The following CDH18 variants were observed in gnomAD, a reference collection of about 807,000 sequenced individuals.
CDH18 encodes cadherin-18.
CDH18 carries 31 observed loss-of-function variants against 67.9 expected under a neutral mutation model. That is an observed-to-expected ratio of 0.46 (90% CI 0.34 to 0.62). The LOEUF (loss-of-function observed/expected upper bound fraction) is 0.62. CDH18 is among the 20% of genes least tolerant of loss of function. The pLI, the probability that CDH18 is intolerant of heterozygous loss-of-function variation, is 0.01. For synonymous variants in CDH18, 362 were observed against 347.2 expected (o/e 1.04, Z -0.48); for missense variants, 890 against 975.5 (o/e 0.91, Z 1.17).
intron 1 of CDH18, among the ~76,000 whole-genome samples, chr5:20,538,903 T>TTTG (rs1756883169): frequency 7.7e-6 from 1 of 129,162 alleles, no homozygotes; most frequent in Admixed American, 8.0e-5. Flanking sequence ...CAACTGTTTT[T>TTTG]TTTTTGTTTT....
intron 5 of CDH18, among the ~76,000 whole-genome samples, chr5:19,690,405 A>C (rs185020769): frequency 6.6e-6 from 1 of 151,688 alleles, no homozygotes; most frequent in East Asian, 1.9e-4. Flanking sequence ...AAAATCAAGA[A>C]CTAAAAACAC....
intron 1 of CDH18, among the ~76,000 whole-genome samples, chr5:20,289,146 A>C (rs1255397899): frequency 6.6e-6 from 1 of 151,878 alleles, no homozygotes; most frequent in East Asian, 1.9e-4. Flanking sequence ...TCTTTATTCC[A>C]CACTAAAGCC....
intron 1 of CDH18, among the ~76,000 whole-genome samples, chr5:20,545,519 C>T (rs976523895): frequency 2.0e-5 from 3 of 152,214 alleles, no homozygotes; most frequent in Non-Finnish European, 4.4e-5. Context: ...TGCACACCTA[C>T]AAGCCCAACA....
intron 2 of CDH18, among the ~76,000 whole-genome samples, chr5:20,016,509 T>C (rs1164135519): frequency 6.6e-6 from 1 of 152,156 alleles, no homozygotes; most frequent in Non-Finnish European, 1.5e-5. Context: ...AAGACAGTGA[T>C]AGAAGCATAA....
intron 2 of CDH18, among the ~76,000 whole-genome samples, chr5:19,865,780 A>G: frequency 6.6e-6 from 1 of 152,142 alleles, no homozygotes; most frequent in East Asian, 1.9e-4. Context: ...TTTATGTAAT[A>G]CTGCCATTTA....
At chr5:20,559,125 A>C (rs1200100181) in intron 1 of CDH18, among the ~76,000 whole-genome samples, 1 of 151,440 alleles carries the variant, frequency 6.6e-6, no homozygotes, top group South Asian at 2.1e-4. Flanking sequence ...GTATTTTAGC[A>C]CAAAAATATT....
chr5:20,326,059 T>C (rs942335138), intron 1 of CDH18, among the ~76,000 whole-genome samples: 42 of 152,328 alleles, frequency 2.8e-4, no homozygotes, highest in African/African-American at 9.6e-4. Context: ...CCTCTTCACA[T>C]TTTACTCTAG....
chr5:19,655,210 C>G (rs1756172068), intron 5 of CDH18, among the ~76,000 whole-genome samples: 1 of 151,998 alleles, frequency 6.6e-6, no homozygotes, highest in African/African-American at 2.4e-5. Flanking sequence ...ATATGCATAC[C>G]ACATCCTGCA....
chr5:19,970,498 T>C (rs1440904999), intron 2 of CDH18, among the ~76,000 whole-genome samples: 3 of 151,444 alleles, frequency 2.0e-5, no homozygotes, highest in African/African-American at 4.8e-5. Flanking sequence ...TTTTAAAATA[T>C]AGTTAGGTAA....
chr5:19,693,492 A>T (rs1448720424), intron 5 of CDH18, among the ~76,000 whole-genome samples: 1 of 152,322 alleles, frequency 6.6e-6, no homozygotes, highest in East Asian at 1.9e-4. Context: ...CACTCTTCAT[A>T]TATCCATTCT....
chr5:19,610,156 T>C (rs539840382), intron 6 of CDH18, among the ~76,000 whole-genome samples: 1 of 152,148 alleles, frequency 6.6e-6, no homozygotes, highest in East Asian at 1.9e-4. Context: ...TAAGAACACC[T>C]TGAAATGCAG....
chr5:19,984,283 A>G (rs1415713209), intron 1 of CDH18, among the ~76,000 whole-genome samples: 1 of 152,116 alleles, frequency 6.6e-6, no homozygotes, highest in African/African-American at 2.4e-5. Context: ...TTTAAAATAT[A>G]CATCAAGCAT....
chr5:19,887,274 A>G (rs1364480428), intron 2 of CDH18, among the ~76,000 whole-genome samples: 2 of 151,870 alleles, frequency 1.3e-5, no homozygotes, highest in African/African-American at 4.8e-5. Flanking sequence ...CAGCTTTCCA[A>G]TGTAGCTATT....
Position 19,648,439 on chromosome 5 carries a change from A to G in CDH18, c.644-35838T>C, listed in dbSNP as rs559756181. 1.3e-3 allele frequency among the ~76,000 whole-genome samples: 199 copies of G among 152,142 alleles called. 1 individual carries two copies. The highest frequency in any genetic ancestry group is 2.6e-3 in the Non-Finnish European group (174 of 67,980). ...CAATAAATAAATAAATAAAATAATA[A>G]TAATAAAGGGAGGCAGTCAGATTAG... On this transcript the variant is annotated intron_variant, in intron 5 of 12. Transcript: ENST00000382275.
chr5:19,485,287 G>A (rs868739383), intron 11 of CDH18, among the ~76,000 whole-genome samples: 6 of 146,220 alleles, frequency 4.1e-5, no homozygotes, highest in South Asian at 4.3e-4. Context: ...ATGGCGTCTC[G>A]CTCTGTTGCC....
chr5:19,651,525 G>C (rs1318571452), intron 5 of CDH18, among the ~76,000 whole-genome samples: 1 of 152,028 alleles, frequency 6.6e-6, no homozygotes, highest in Non-Finnish European at 1.5e-5. Flanking sequence ...TTCTGTCAAA[G>C]AAGACGTTAA....
At chr5:20,304,807 G>T in intron 1 of CDH18, 1 of 1,611,036 alleles carries the variant, frequency 6.2e-7, no homozygotes, top group East Asian at 2.2e-5. Context: ...TTCAGCCGCA[G>T]CTTTGTTAGA....
At chr5:20,054,138 A>C (rs1304334162) in intron 2 of CDH18, among the ~76,000 whole-genome samples, 2 of 152,150 alleles carry the variant, frequency 1.3e-5, no homozygotes, top group Non-Finnish European at 2.9e-5. Context: ...TCATATACTC[A>C]TTATTTATTG....
chr5:20,525,008 A>C (rs891576875), intron 1 of CDH18, among the ~76,000 whole-genome samples: 17 of 152,136 alleles, frequency 1.1e-4, no homozygotes, highest in African/African-American at 3.9e-4. Flanking sequence ...GAGACGATTA[A>C]AGACTTTTTG....
Sources: allele counts gnomAD v4.1 joint callset (sites outside exome capture counted in the v4.1 genomes callset), GRCh38; gene constraint gnomAD v4.1.1; transcripts MANE v1.5; gene names NCBI Gene and HGNC (gene_info 2026-07-23, HGNC 2026-07-21).